APPBP2: variants seen among roughly 807,000 people sequenced by gnomAD.
APPBP2 encodes amyloid beta precursor protein binding protein 2.
APPBP2 carries 15 observed loss-of-function variants against 76.0 expected under a neutral mutation model. That is an observed-to-expected ratio of 0.20 (90% confidence interval 0.13 to 0.30). The LOEUF (loss-of-function observed/expected upper bound fraction) is 0.30, where lower values mean the gene tolerates loss of function less well. Among genes scored for constraint, APPBP2 ranks in the 10% least tolerant of loss-of-function variants. The pLI is 1.00. For missense variants in APPBP2, 401 were observed against 687.2 expected (o/e 0.58, Z 4.66); for synonymous variants, 222 against 242.2 (o/e 0.92, Z 0.77).
Position 60,446,432 on chromosome 17 carries a change from G to A in APPBP2, c.*1149C>T, listed in dbSNP as rs140774080. 2.0e-4 allele frequency: 30 copies of A among 152,274 alleles called. No individual in the cohort carries two copies. The highest frequency in any genetic ancestry group is 7.2e-4 in the African/African-American group (30 of 41,552). The allele number at this position is 152,274 out of a possible 1,614,324, so 9.4% of individuals were successfully genotyped here. On this transcript the variant is annotated 3_prime_UTR_variant, in exon 13 of 13. Coordinates refer to ENST00000083182, the MANE Select transcript of APPBP2 (RefSeq NM_006380.5). ...CCTAGATTTCAAATGAAATGACCTA[G>A]TTGTATTACTATTTACCATAAAAAT...
chr17:60,466,246 A>C (rs751881423), intron 5 of APPBP2, 45 bp downstream of exon 5: 1 of 1,543,298 alleles, frequency 6.5e-7, no homozygotes, highest in East Asian at 2.3e-5. Flanking sequence ...CTCTGTTTTT[A>C]TAGGTACTTA....
chr17:60,451,218 G>C (rs1036971152), intron 12 of APPBP2, among the ~76,000 whole-genome samples: 1 of 152,178 alleles, frequency 6.6e-6, no homozygotes. Flanking sequence ...AAACAGGTAA[G>C]CCTGATCTAT....
chr17:60,511,072 T>C (rs142607026), intron 1 of APPBP2, among the ~76,000 whole-genome samples: 2 of 152,304 alleles, frequency 1.3e-5, no homozygotes, highest in East Asian at 3.9e-4. Context: ...TTGTTAGTGG[T>C]AGGAGATGTT....
At chr17:60,467,812 GA>G (rs1192708785) in intron 4 of APPBP2, among the ~76,000 whole-genome samples, 1 of 152,050 alleles carries the variant, frequency 6.6e-6, no homozygotes, top group Admixed American at 6.6e-5. Context: ...AAAACAGAAG[GA>G]ACAGCAAAAC....
At chr17:60,525,612 G>A (rs1041885594) in intron 1 of APPBP2, among the ~76,000 whole-genome samples, 182 bp downstream of exon 1, 3 of 152,210 alleles carry the variant, frequency 2.0e-5, no homozygotes, top group South Asian at 4.1e-4. Context: ...CAAAGCTTAA[G>A]AGACAGGGCA....
At chr17:60,505,835 C>T (rs2090864031) in intron 1 of APPBP2, among the ~76,000 whole-genome samples, 1 of 151,670 alleles carries the variant, frequency 6.6e-6, no homozygotes, top group Non-Finnish European at 1.5e-5. Flanking sequence ...AGGCGCCCGC[C>T]ACCATGCCCA....
intron 1 of APPBP2, among the ~76,000 whole-genome samples, chr17:60,501,311 C>G (rs2090821445): frequency 6.6e-6 from 1 of 151,870 alleles, no homozygotes; most frequent in African/African-American, 2.4e-5. Context: ...AGAGTGAGAC[C>G]CTGTCTCAAA....
intron 1 of APPBP2, among the ~76,000 whole-genome samples, chr17:60,521,813 T>C (rs1210938073): frequency 6.6e-6 from 1 of 152,212 alleles, no homozygotes; most frequent in African/African-American, 2.4e-5. Context: ...CTATCGTTAT[T>C]GTATTTTATG....
At position 60,500,469 on chromosome 17, in the gene APPBP2, A is replaced by C. The variant is rs1407184552; in HGVS notation, c.157T>G (p.Leu53Val). ...CAAAATTCACTGCCCAGTTGACATAAGCGTCCCTGTTGGTAAAGCTGAAAT... is the reference window on the plus strand; with the variant it reads ...CAAAATTCACTGCCCAGTTGACATACGCGTCCCTGTTGGTAAAGCTGAAAT... Reference protein sequence around the residue: ...VYYKLYQQGRLCQLGSEFCEL... With the variant: ...VYYKLYQQGRVCQLGSEFCEL... The change falls in exon 2 of 13, where the codon TTA (leucine) becomes GTA (valine). Residue 53 changes from leucine to valine, a missense_variant. By Grantham distance (32) the Leu-to-Val change is conservative (BLOSUM62 1). Around this residue, in one of 5 missense-constraint regions of APPBP2, gnomAD observed 149 missense variants for 198.4 expected, o/e 0.75. Transcript: ENST00000083182. 6.2e-7 allele frequency: 1 copy of C among 1,609,082 alleles called. No individual in the cohort carries two copies. The highest frequency in any genetic ancestry group is 8.5e-7 in the Non-Finnish European group (1 of 1,178,448).
Position 60,452,060 on chromosome 17 carries a change from T to C in APPBP2, c.1339-15A>G, listed in dbSNP as rs373202345. ...TCTTCAGCTTCCTGAAAAACAATTA[T>C]GCCATATCAATCATTATACTTTTTC... is the stretch of plus-strand genomic sequence containing the variant. On this transcript the variant is annotated splice_polypyrimidine_tract_variant and intron_variant, in intron 11 of 12. Transcript: ENST00000083182. 11 of 1,610,462 alleles carry C rather than the reference T, an allele frequency of 6.8e-6. No individual in the cohort carries two copies. The highest frequency in any genetic ancestry group is 1.7e-4 in the Middle Eastern group (1 of 6,018).
At chr17:60,497,680 T>C (rs2090787854) in intron 2 of APPBP2, among the ~76,000 whole-genome samples, 1 of 152,116 alleles carries the variant, frequency 6.6e-6, no homozygotes, top group Non-Finnish European at 1.5e-5. Flanking sequence ...CTGGAACATA[T>C]TAGGCACTCA....
At chr17:60,473,481 C>G (rs1167932747) in intron 4 of APPBP2, among the ~76,000 whole-genome samples, 1 of 152,104 alleles carries the variant, frequency 6.6e-6, no homozygotes, top group Non-Finnish European at 1.5e-5. Context: ...TCATATATAT[C>G]AAGTTTTAGG....
chr17:60,494,974 GTTTTGTTTTGTTTTT>G (rs1309533790), intron 2 of APPBP2, among the ~76,000 whole-genome samples: 12,165 of 140,562 alleles, frequency 0.087, 1,601 homozygotes, highest in African/African-American at 0.28. Flanking sequence ...AGTTTTTTTT[GTTTTGTTTTGTTTTT>G]TTTTTTTTTT....
chr17:60,504,198 C>T (rs2090847545), intron 1 of APPBP2, among the ~76,000 whole-genome samples: 1 of 152,020 alleles, frequency 6.6e-6, no homozygotes, highest in Admixed American at 6.5e-5. Flanking sequence ...CTATATCAAC[C>T]ACTTTCAGCT....
At chr17:60,456,570 C>T (rs1480004688) in intron 9 of APPBP2, among the ~76,000 whole-genome samples, 189 bp from the exon 10 acceptor site, 1 of 152,190 alleles carries the variant, frequency 6.6e-6, no homozygotes, top group Non-Finnish European at 1.5e-5. Context: ...AACAGAGACT[C>T]CCATTTCCCT....
At chr17:60,493,224 C>T (rs1598363741) in intron 3 of APPBP2, among the ~76,000 whole-genome samples, 2 of 152,234 alleles carry the variant, frequency 1.3e-5, no homozygotes, top group South Asian at 2.1e-4. Context: ...TACCCAGTCT[C>T]GGGTATGTCT....
intron 11 of APPBP2, among the ~76,000 whole-genome samples, chr17:60,453,296 G>T (rs577129774): frequency 6.6e-6 from 1 of 151,742 alleles, no homozygotes; most frequent in Admixed American, 6.6e-5. Context: ...CAATTCTCCT[G>T]TCTCAGCCTC....
intron 2 of APPBP2, among the ~76,000 whole-genome samples, chr17:60,494,984 G>GT (rs60043373): frequency 0.052 from 5,617 of 107,000 alleles, 177 homozygotes; most frequent in South Asian, 0.1. Context: ...GTTTTGTTTT[G>GT]TTTTTTTTTT....
chr17:60,456,178 G>A, intron 10 of APPBP2, 118 bp downstream of exon 10: 1 of 709,556 alleles, frequency 1.4e-6, no homozygotes, highest in South Asian at 1.8e-5. Flanking sequence ...GTAATACATA[G>A]ACACCGTCAA....
Sources: gnomAD v4.1 joint callset for allele counts (sites outside exome capture counted in the v4.1 genomes callset) on GRCh38, gnomAD v4.1.1 for gene constraint, gnomAD v4.1.1 regional missense constraint, MANE v1.5 for transcripts, NCBI Gene and HGNC (gene_info 2026-07-23, HGNC 2026-07-21) for gene names.